The following MFSD2A variants were observed in gnomAD, a reference collection of about 807,000 sequenced individuals.
MFSD2A encodes sodium-dependent lysophosphatidylcholine symporter 1.
Under a neutral mutation model 64.7 loss-of-function variants are expected in MFSD2A, and 27 were observed. That is an observed-to-expected ratio of 0.42 (90% confidence interval 0.31 to 0.58). MFSD2A has a LOEUF of 0.58. Among genes scored for constraint, MFSD2A ranks in the 20% least tolerant of loss-of-function variants. The probability of loss-of-function intolerance (pLI) is 0.18; values close to 1 mark genes in which losing one functional copy is unlikely to be tolerated. For synonymous variants in MFSD2A, 258 were observed against 273.4 expected, an observed-to-expected ratio of 0.94 and a Z score of 0.55; for missense variants, 474 against 679.5, an observed-to-expected ratio of 0.70 and a Z score of 3.36.
Position 39,967,643 on chromosome 1 carries a change from A to G in MFSD2A, c.1027A>G (p.Thr343Ala), listed in dbSNP as rs1484255260. ...LLAIMLSATLTIPIWQWFLTR... is the reference protein window; with the variant it reads ...LLAIMLSATLAIPIWQWFLTR... ...CCATCCACAGCTCTCGGCCACTTTA[A>G]CCATTCCCATCTGGCAGTGGTTCTT... The change falls in exon 10 of 14, where the codon ACC (threonine) becomes GCC (alanine). Residue 343 changes from threonine (T) to alanine (A), a missense_variant. Physicochemically the swap from Thr to Ala is moderately conservative, Grantham distance 58 (BLOSUM62 0). Transcript: ENST00000372811. 6.2e-7 allele frequency: 1 copy of G among 1,614,044 alleles called. No individual in the cohort carries two copies. Among genetic ancestry groups the G allele is most frequent in the East Asian group, 2.2e-5 (1 of 44,872 alleles).
At position 39,968,048 on chromosome 1, in the gene MFSD2A, G is replaced by T. The variant is rs1645202325; in HGVS notation, c.1208+132G>T. On this transcript the variant is annotated intron_variant, in intron 11 of 13. Transcript: ENST00000372811. The surrounding 1 kb of genome is among the most constrained non-coding windows in gnomAD (Gnocchi z 4.4). ...TGGGTCCAGGTTAGGAGTGGGGGAG[G>T]TCTGTCCTGTACAGTTGTACAGGTA... 1 of 652,796 alleles carries T rather than the reference G, an allele frequency of 1.5e-6. No individual in the cohort carries two copies. Among genetic ancestry groups the T allele is most frequent in the Admixed American group, 2.9e-5 (1 of 34,706 alleles). The allele number at this position is 652,796 out of a possible 1,614,324, so 40.4% of individuals were successfully genotyped here. A position where few individuals can be genotyped will look rare whatever the true frequency, so the allele number is the denominator to read the frequency against.
intron 8 of MFSD2A, 45 bp downstream of exon 8, chr1:39,966,977 G>A (rs771738043): frequency 1.2e-6 from 2 of 1,613,242 alleles, no homozygotes; most frequent in South Asian, 2.2e-5. Context: ...AGGTGTAATG[G>A]GAGCGGGGTG....
Position 39,965,360 on chromosome 1 carries a change from G to A in MFSD2A, c.477+26G>A, listed in dbSNP as rs1294115080. ...GTGAGTGTGGGTACCTCCCTTGGGT[G>A]TCTCTAGGGGCCGGGAGGAGGGCGG... On this transcript the variant is annotated intron_variant, in intron 4 of 13. Transcript: ENST00000372811. This position sits in a 1 kb window ranked among gnomAD's most constrained non-coding sequence, Gnocchi z 5.5. 2.5e-6 allele frequency: 4 copies of A among 1,613,832 alleles called. No homozygotes were observed. Among genetic ancestry groups the A allele is most frequent in the Non-Finnish European group, 3.4e-6 (4 of 1,179,900 alleles).
rs747456224 is a variant in MFSD2A, at chr1:39,968,729, G to C, written c.1513G>C (p.Ala505Pro). 2 of 1,614,058 alleles carry C rather than the reference G, an allele frequency of 1.2e-6. No individual in the cohort carries two copies. Among genetic ancestry groups the C allele is most frequent in the Non-Finnish European group, 1.7e-6 (2 of 1,179,988 alleles). ...DEERRRQNKK[A>P]LQALRDEASS... ...GGAGAGGCGGCGGCAGAATAAGAAG[G>C]CCCTGCAGGCACTGAGGTGAGTGGG... Residue 505 changes from alanine to proline, a missense_variant, in exon 13 of 14, where the codon GCC (alanine) becomes CCC (proline). Coordinates refer to ENST00000372811, the MANE Select transcript of MFSD2A (RefSeq NM_032793.5). The surrounding 1 kb of genome is among the most constrained non-coding windows in gnomAD (Gnocchi z 4.4).
intron 3 of MFSD2A, chr1:39,962,575 G>C: frequency 4.6e-6 from 3 of 648,878 alleles, no homozygotes; most frequent in South Asian, 1.8e-5. Context: ...GCAGCGGGGG[G>C]GCCTGGAGGC....
intron 3 of MFSD2A, chr1:39,962,675 C>G: frequency 1.3e-6 from 1 of 780,776 alleles, no homozygotes; most frequent in Admixed American, 2.0e-5. Flanking sequence ...GTGGACGGGG[C>G]CCGGGCCGAA....
At chr1:39,967,937 C>CT in intron 11 of MFSD2A, 21 bp downstream of exon 11, 1 of 1,491,396 alleles carries the variant, frequency 6.7e-7, no homozygotes, top group South Asian at 1.2e-5. Context: ...ACAGGCCCCC[C>CT]TCCTCGGGTA....
intron 9 of MFSD2A, 96 bp from the exon 10 acceptor site, chr1:39,967,532 G>A: frequency 1.8e-6 from 2 of 1,105,202 alleles, no homozygotes; most frequent in Non-Finnish European, 2.8e-6. Flanking sequence ...GGCTGCTCTT[G>A]GGCAGGGCTG....
Position 39,965,150 on chromosome 1 carries a change from G to A in MFSD2A, c.354-61G>A, listed in dbSNP as rs1645128560. 3 of 1,606,560 alleles carry A rather than the reference G, an allele frequency of 1.9e-6. No homozygotes were observed. The highest frequency in any genetic ancestry group is 1.7e-5 in the Admixed American group (1 of 59,828). ...GGGACCCTGTGAGGCACAGCAGACTGGGCTGGGCCTGGTCCTGGGCTCCAG... is the reference window on the plus strand; with the variant it reads ...GGGACCCTGTGAGGCACAGCAGACTAGGCTGGGCCTGGTCCTGGGCTCCAG... On this transcript the variant is annotated intron_variant, in intron 3 of 13. Coordinates refer to ENST00000372811, the MANE Select transcript of MFSD2A (RefSeq NM_032793.5). This position sits in a 1 kb window ranked among gnomAD's most constrained non-coding sequence, Gnocchi z 5.5.
rs970112955 is a variant in MFSD2A, at chr1:39,958,363, A to G, written c.229-338A>G. ...TCACCCCGTGAATGCTCATTCTGAT[A>G]TCAGGTGGTCAGGAGCTCAGGGCTG... is the stretch of plus-strand genomic sequence containing the variant. On this transcript the variant is annotated intron_variant, in intron 2 of 13. Coordinates refer to ENST00000372811, the MANE Select transcript of MFSD2A (RefSeq NM_032793.5). This position sits in a 1 kb window ranked among gnomAD's most constrained non-coding sequence, Gnocchi z 4.7. 3.0e-4 allele frequency among the ~76,000 whole-genome samples: 45 copies of G among 152,158 alleles called. No homozygotes were observed. Among genetic ancestry groups the G allele is most frequent in the African/African-American group, 1.1e-3 (45 of 41,442 alleles).
rs1032293596 is a variant in MFSD2A, at chr1:39,966,807, C to T, written c.806-4C>T. 1.9e-6 allele frequency: 3 copies of T among 1,614,014 alleles called. No individual in the cohort carries two copies. The African/African-American group carries it at 4.0e-5, about 22-fold the overall frequency. On this transcript the variant is annotated splice_region_variant and splice_polypyrimidine_tract_variant and intron_variant, in intron 7 of 13. Transcript: ENST00000372811. ...CCTTCCTCACTGTCCGCTCTGGCCC[C>T]CAGAACCCTATGAAGCCCAGCAGTC...
intron 1 of MFSD2A, among the ~76,000 whole-genome samples, chr1:39,956,839 C>T (rs921908946): frequency 6.9e-6 from 1 of 145,944 alleles, no homozygotes; most frequent in African/African-American, 2.6e-5. Flanking sequence ...TGGCGTGAAC[C>T]CAGGAGGCGG....
chr1:39,966,444 G>C (rs1332666464), intron 6 of MFSD2A, among the ~76,000 whole-genome samples, 157 bp from the exon 7 acceptor site: 1 of 152,182 alleles, frequency 6.6e-6, no homozygotes, highest in Non-Finnish European at 1.5e-5. Context: ...GGAAGCAACA[G>C]CAGGCCCAGG....
Position 39,968,656 on chromosome 1 carries a change from TCTC to T in MFSD2A, c.1441_1443del (p.Leu481del). On this transcript the variant is annotated inframe_deletion, in exon 13 of 14. Coordinates refer to ENST00000372811, the MANE Select transcript of MFSD2A (RefSeq NM_032793.5). This position sits in a 1 kb window ranked among gnomAD's most constrained non-coding sequence, Gnocchi z 4.4. ...TGCTCGTGACCATGGCTCCCATAGT[TCTC>T]ATCCTGCTGGGCCTGCTGCTCTTCA... 1 of 1,614,186 alleles carries T rather than the reference TCTC, an allele frequency of 6.2e-7. No individual in the cohort carries two copies.
intron 6 of MFSD2A, 58 bp from the exon 7 acceptor site, chr1:39,966,543 G>A: frequency 1.4e-6 from 2 of 1,406,836 alleles, no homozygotes; most frequent in Non-Finnish European, 2.0e-6. Context: ...GCTGGAACTG[G>A]GGTGCTGGGA....
Position 39,963,936 on chromosome 1 carries a change from ATGT to A in MFSD2A, c.354-1272_354-1270del, listed in dbSNP as rs1645099460. The stretch of plus-strand genomic sequence containing the variant: ...TTTTAGTAGAGACGGAGGTTTCGCC[ATGT>A]TGGGCAGGCTGGTCTTGAACTCCTG... On this transcript the variant is annotated intron_variant, in intron 3 of 13. Coordinates refer to ENST00000372811, the MANE Select transcript of MFSD2A (RefSeq NM_032793.5). The surrounding 1 kb of genome is among the most constrained non-coding windows in gnomAD (Gnocchi z 4.2). Among the ~76,000 whole-genome samples, 6 of 152,102 alleles carry A rather than the reference ATGT, an allele frequency of 3.9e-5. No individual in the cohort carries two copies. The highest frequency in any genetic ancestry group is 3.9e-4 in the Admixed American group (6 of 15,268).
Position 39,964,596 on chromosome 1 carries a change from T to C in MFSD2A, c.354-615T>C, listed in dbSNP as rs1446345575. 1 of 152,808 alleles carries C rather than the reference T, an allele frequency of 6.5e-6. No homozygotes were observed. The highest frequency in any genetic ancestry group is 2.1e-4 in the South Asian group (1 of 4,858). The allele number at this position is 152,808 out of a possible 1,614,324, so 9.5% of individuals were successfully genotyped here. On this transcript the variant is annotated intron_variant, in intron 3 of 13. Transcript: ENST00000372811. The surrounding 1 kb of genome is among the most constrained non-coding windows in gnomAD (Gnocchi z 4.1). ...TTGCCCACCTGGGCCTTCAACTCCT[T>C]CACTTGGAGCTGGCCTCTCCCCATC...
chr1:39,960,233 G>C lies in MFSD2A; in HGVS notation c.353+1408G>C, dbSNP rs969514548. ...TCCAGGACATCCTGCTTCAGGGTGT[G>C]GGGGGGCATACCCCTTTCATCTCCA... On this transcript the variant is annotated intron_variant, in intron 3 of 13. Transcript: ENST00000372811. This position sits in a 1 kb window ranked among gnomAD's most constrained non-coding sequence, Gnocchi z 4.8. Among the ~76,000 whole-genome samples, 2 of 152,156 alleles carry C rather than the reference G, an allele frequency of 1.3e-5. No homozygotes were observed. The highest frequency in any genetic ancestry group is 2.9e-5 in the Non-Finnish European group (2 of 68,000).
intron 1 of MFSD2A, among the ~76,000 whole-genome samples, chr1:39,956,497 C>T (rs1644931736): frequency 6.6e-6 from 1 of 152,068 alleles, no homozygotes; most frequent in South Asian, 2.1e-4. Context: ...GGGGACAGGT[C>T]GGCTGCTGGA....
Sources: gnomAD v4.1 joint callset for allele counts (sites outside exome capture counted in the v4.1 genomes callset) on GRCh38, gnomAD v4.1.1 for gene constraint, Gnocchi (gnomAD v3.1) non-coding constraint, MANE v1.5 for transcripts, NCBI Gene and HGNC (gene_info 2026-07-23, HGNC 2026-07-21) for gene names.